The following CDC14A variants were observed in gnomAD, a reference collection of about 807,000 sequenced individuals.
CDC14A encodes cell division cycle 14A.
Under a neutral mutation model 74.4 loss-of-function variants are expected in CDC14A, and 53 were observed. The observed-to-expected ratio is 0.71, with a 90% CI of 0.57 to 0.89. The LOEUF is 0.89. Ranked by LOEUF, CDC14A falls within the 40% of genes least tolerant of loss-of-function variation. CDC14A has a pLI of 0.00. For synonymous variants in CDC14A, 247 were observed against 258.4 expected (o/e 0.96, Z 0.43); for missense variants, 646 against 713.7 (o/e 0.91, Z 1.08).
At position 100,496,037 on chromosome 1, in the gene CDC14A, C is replaced by T. The variant is rs1352929723; in HGVS notation, c.1286C>T (p.Ser429Phe). Residue 429 changes from serine (S) to phenylalanine (F), a missense_variant, in exon 13 of 16, where the codon TCC becomes TTC. Physicochemically the swap from Ser to Phe is radical, Grantham distance 155. Transcript: ENST00000336454. Reference sequence around the variant, plus strand: ...ACAAAAGGACATCCAAGAGCAGTGTCCCAGCCTTTCAGGTACTGCCAATGA... The same window carrying T: ...ACAAAAGGACATCCAAGAGCAGTGTTCCAGCCTTTCAGGTACTGCCAATGA... ...DDTKGHPRAV[S>F]QPFRLSSSLQ... 6.2e-7 allele frequency: 1 copy of T among 1,613,674 alleles called. No individual in the cohort carries two copies. The highest frequency in any genetic ancestry group is 1.7e-5 in the Admixed American group (1 of 60,016).
At chr1:100,346,106 G>A (rs1019196627) in intron 1 of CDC14A, among the ~76,000 whole-genome samples, 2 of 152,132 alleles carry the variant, frequency 1.3e-5, no homozygotes, top group East Asian at 1.9e-4. Context: ...AGGAGGCAGA[G>A]GTTGCAGTGA....
intron 10 of CDC14A, 70 bp from the exon 11 acceptor site, chr1:100,484,222 T>G: frequency 1.9e-5 from 16 of 842,850 alleles, no homozygotes; most frequent in Non-Finnish European, 2.6e-5. Flanking sequence ...ATCATACCTT[T>G]GAGATGAGAG....
intron 10 of CDC14A, among the ~76,000 whole-genome samples, chr1:100,473,915 T>C (rs1287016219): frequency 6.6e-6 from 1 of 152,184 alleles, no homozygotes; most frequent in Non-Finnish European, 1.5e-5. Flanking sequence ...GCAGACATCC[T>C]TGTCGTGCTC....
chr1:100,517,460 T>C (rs1384077077), intron 15 of CDC14A, among the ~76,000 whole-genome samples: 2 of 152,220 alleles, frequency 1.3e-5, no homozygotes, highest in Non-Finnish European at 2.9e-5. Flanking sequence ...TTTATGTTCC[T>C]TTTTCTAATC....
intron 5 of CDC14A, among the ~76,000 whole-genome samples, chr1:100,434,856 TAAG>T (rs1254074961): frequency 1.3e-5 from 2 of 152,194 alleles, no homozygotes; most frequent in East Asian, 1.9e-4. Flanking sequence ...TTTGAAGCTT[TAAG>T]AAGGAGTTTG....
intron 7 of CDC14A, 34 bp downstream of exon 7, chr1:100,443,030 T>C (rs781470866): frequency 1.5e-5 from 20 of 1,373,974 alleles, no homozygotes; most frequent in Non-Finnish European, 2.0e-5. Context: ...CAAAACATAA[T>C]TTCATGTTGA....
intron 2 of CDC14A, among the ~76,000 whole-genome samples, chr1:100,355,217 C>G (rs1428018295): frequency 6.6e-6 from 1 of 152,152 alleles, no homozygotes; most frequent in Non-Finnish European, 1.5e-5. Context: ...TGGGAATGTG[C>G]ATTGTTGTGC....
In CDC14A at chr1:100,396,946, A is replaced by C. The variant is rs919425825; in HGVS notation, c.309+6122A>C. 2.6e-5 allele frequency among the ~76,000 whole-genome samples: 4 copies of C among 152,218 alleles called. No homozygotes were observed. The East Asian group carries it at 7.7e-4, about 29-fold the overall frequency. ...TGTCATAAGGATCAAAAAGGAGATA[A>C]AATATAGACCAAGCTTGTTTAACCT... On this transcript the variant is annotated intron_variant, in intron 4 of 15. Coordinates refer to ENST00000336454, the MANE Select transcript of CDC14A (RefSeq NM_003672.4).
intron 13 of CDC14A, among the ~76,000 whole-genome samples, chr1:100,497,604 G>C (rs1351953768): frequency 6.6e-6 from 1 of 152,192 alleles, no homozygotes; most frequent in East Asian, 1.9e-4. Flanking sequence ...CCTCGCCTAG[G>C]GTAGTTTGCA....
At chr1:100,434,211 A>C (rs1664054085) in intron 5 of CDC14A, among the ~76,000 whole-genome samples, 1 of 152,192 alleles carries the variant, frequency 6.6e-6, no homozygotes, top group African/African-American at 2.4e-5. Context: ...CTAGTATGCC[A>C]GAAGTCACAT....
Position 100,462,559 on chromosome 1 carries a change from G to C in CDC14A, c.608-92G>C, listed in dbSNP as rs577229868. 2.3e-3 allele frequency: 2,316 copies of C among 991,844 alleles called. 8 individuals carry two copies. The highest frequency in any genetic ancestry group is 3.2e-3 in the Non-Finnish European group (2,062 of 645,480). The allele number at this position is 991,844 out of a possible 1,614,324, so 61.4% of individuals were successfully genotyped here. On this transcript the variant is annotated intron_variant, in intron 8 of 15. Coordinates refer to ENST00000336454, the MANE Select transcript of CDC14A (RefSeq NM_003672.4). ...ACACTTTCCTCCCAAGCTTTGTTGA[G>C]ATTTATACACTTCATTGTTGAGAGT...
intron 2 of CDC14A, among the ~76,000 whole-genome samples, chr1:100,356,570 G>T (rs1337381342): frequency 6.6e-6 from 1 of 151,906 alleles, no homozygotes; most frequent in Non-Finnish European, 1.5e-5. Context: ...AAAAATTCAG[G>T]GGGGACCAGG....
Position 100,363,055 on chromosome 1 carries a change from A to AGG in CDC14A, c.140+9203_140+9204insGG, listed in dbSNP as rs1258683288. 10 of 152,376 alleles carry AGG rather than the reference A, an allele frequency of 6.6e-5. No individual in the cohort carries two copies. In the East Asian group the frequency reaches 1.9e-3, roughly 29 times the overall value. The allele number at this position is 152,376 out of a possible 1,614,324, so 9.4% of individuals were successfully genotyped here. A position where few individuals can be genotyped will look rare whatever the true frequency, so the allele number is the denominator to read the frequency against. ...TTACATAGGGCCCGCAGATTGGTTC[A>AGG]ACCAGGTGTGACGTTTACGTAGTGG... On this transcript the variant is annotated intron_variant, in intron 2 of 15. Coordinates refer to ENST00000336454, the MANE Select transcript of CDC14A (RefSeq NM_003672.4).
chr1:100,459,002 C>G (rs922178292), intron 8 of CDC14A, among the ~76,000 whole-genome samples: 10 of 151,898 alleles, frequency 6.6e-5, no homozygotes, highest in Non-Finnish European at 1.2e-4. Flanking sequence ...TGATGGATAA[C>G]AGCAGAATGA....
At chr1:100,398,136 C>T (rs779121099) in intron 4 of CDC14A, among the ~76,000 whole-genome samples, 17 of 152,064 alleles carry the variant, frequency 1.1e-4, no homozygotes, top group Non-Finnish European at 1.0e-4. Flanking sequence ...ATTTTACTTG[C>T]GGTGAGGACT....
chr1:100,502,124 A>C (rs762547934), intron 15 of CDC14A, among the ~76,000 whole-genome samples: 1 of 152,220 alleles, frequency 6.6e-6, no homozygotes, highest in African/African-American at 2.4e-5. Context: ...ATTATTCATG[A>C]AAGAAAAATT....
At chr1:100,361,287 C>T (rs998067017) in intron 2 of CDC14A, among the ~76,000 whole-genome samples, 4 of 152,106 alleles carry the variant, frequency 2.6e-5, no homozygotes, top group Admixed American at 2.6e-4. Context: ...GAACACTGTA[C>T]TAATGCTTTG....
At chr1:100,474,055 G>A (rs1227347941) in intron 10 of CDC14A, among the ~76,000 whole-genome samples, 1 of 152,124 alleles carries the variant, frequency 6.6e-6, no homozygotes, top group Non-Finnish European at 1.5e-5. Context: ...TTCTTATCAT[G>A]AATGAGTGTT....
chr1:100,502,133 T>C (rs574621135), intron 15 of CDC14A, among the ~76,000 whole-genome samples: 1 of 151,922 alleles, frequency 6.6e-6, no homozygotes. Flanking sequence ...GAAAGAAAAA[T>C]TTTTAATATA....
Sources: gnomAD v4.1 joint callset for allele counts (sites outside exome capture counted in the v4.1 genomes callset) on GRCh38, gnomAD v4.1.1 for gene constraint, MANE v1.5 for transcripts, NCBI Gene and HGNC (gene_info 2026-07-23, HGNC 2026-07-21) for gene names.